CNOT6: variants seen among roughly 807,000 people sequenced by gnomAD.
CNOT6 encodes the protein CCR4-NOT transcription complex subunit 6.
Under a neutral mutation model 61.2 loss-of-function variants are expected in CNOT6, and 12 were observed. The ratio of observed to expected loss-of-function variants is 0.20; its 90% CI spans 0.13 to 0.32. CNOT6 has a LOEUF of 0.32. Among genes scored for constraint, CNOT6 ranks in the 10% least tolerant of loss-of-function variants. The probability of loss-of-function intolerance (pLI) is 1.00; values close to 1 mark genes in which losing one functional copy is unlikely to be tolerated. For synonymous variants in CNOT6, 225 were observed against 240.6 expected, an observed-to-expected ratio of 0.94 and a Z score of 0.60; for missense variants, 405 against 663.9, an observed-to-expected ratio of 0.61 and a Z score of 4.28.
rs368230568 is a variant in CNOT6, at chr5:180,529,375, G to A, written c.99G>A (p.Glu33=). Residue 33 remains glutamate, a synonymous_variant, in exon 2 of 12, where the codon GAG becomes GAA. Transcript: ENST00000261951. The part of the protein sequence containing the change: ...AANGKKSHWA[E]LEISGKVRSL... ...ATGGAAAGAAATCCCACTGGGCAGA[G>A]CTTGAAATAAGTGGTAAGACATGGA... 5 of 1,603,356 alleles carry A rather than the reference G, an allele frequency of 3.1e-6. No individual in the cohort carries two copies. The highest frequency in any genetic ancestry group is 4.3e-6 in the Non-Finnish European group (5 of 1,170,742).
chr5:180,496,827 T>G (rs1756633841), intron 1 of CNOT6, among the ~76,000 whole-genome samples: 2 of 152,208 alleles, frequency 1.3e-5, no homozygotes, highest in South Asian at 4.1e-4. Context: ...TTGATAGTGG[T>G]GATGCAGCCC....
rs1329809018 is a variant in CNOT6 at position 180,577,861 on chromosome 5, C to A, written c.*3661C>A. Reference sequence around the variant, plus strand: ...TTACTGTTCTGTTCAGTGGAACCTTCTTGGTCAAATTGTAATTAGCTAGCA... The same window carrying A: ...TTACTGTTCTGTTCAGTGGAACCTTATTGGTCAAATTGTAATTAGCTAGCA... On this transcript the variant is annotated 3_prime_UTR_variant, in exon 12 of 12. Transcript: ENST00000261951. 1 of 152,606 alleles carries A rather than the reference C, an allele frequency of 6.6e-6. No homozygotes were observed. Among genetic ancestry groups the A allele is most frequent in the Non-Finnish European group, 1.5e-5 (1 of 68,032 alleles). 9.5% of individuals were successfully genotyped at this position (152,606 alleles called of 1,614,324 possible).
At chr5:180,525,768 A>G (rs1758071520) in intron 1 of CNOT6, among the ~76,000 whole-genome samples, 1 of 152,172 alleles carries the variant, frequency 6.6e-6, no homozygotes, top group Non-Finnish European at 1.5e-5. Context: ...CTAAAGAGTT[A>G]GGAGGAAAAC....
chr5:180,509,394 G>A (rs1358347058), intron 1 of CNOT6, among the ~76,000 whole-genome samples: 2 of 151,824 alleles, frequency 1.3e-5, no homozygotes, highest in African/African-American at 4.8e-5. Flanking sequence ...TTCCCAAAGT[G>A]CTGGGATTAC....
intron 4 of CNOT6, 127 bp from the exon 5 acceptor site, chr5:180,564,362 C>A: frequency 1.5e-6 from 1 of 661,098 alleles, no homozygotes; most frequent in Non-Finnish European, 2.6e-6. Flanking sequence ...ACAATATTTT[C>A]TATAGTCTGA....
chr5:180,574,283 G>A lies in CNOT6; in HGVS notation c.*83G>A. On this transcript the variant is annotated 3_prime_UTR_variant, in exon 12 of 12. Coordinates refer to ENST00000261951, the MANE Select transcript of CNOT6 (RefSeq NM_001370472.1). ...TAGGGGAGTGAGGTATGGCCACTGA[G>A]GATTTTTGCTTGCTTAAGAATGATT... 1.7e-6 allele frequency: 2 copies of A among 1,146,030 alleles called. No homozygotes were observed. Among genetic ancestry groups the A allele is most frequent in the Non-Finnish European group, 2.6e-6 (2 of 765,016 alleles). 71.0% of individuals were successfully genotyped at this position (1,146,030 alleles called of 1,614,324 possible).
chr5:180,543,005 TTCTTTTACTTC>T (rs1286252153), intron 2 of CNOT6, among the ~76,000 whole-genome samples: 2 of 152,194 alleles, frequency 1.3e-5, no homozygotes, highest in Non-Finnish European at 2.9e-5. Flanking sequence ...GTACATTATG[TTCTTTTACTTC>T]TGTTACTAAT....
intron 8 of CNOT6, among the ~76,000 whole-genome samples, chr5:180,567,457 G>A (rs1038984286): frequency 6.6e-6 from 1 of 152,110 alleles, no homozygotes; most frequent in Non-Finnish European, 1.5e-5. Context: ...TTCTTCAGGT[G>A]TTTACTAGGG....
rs1760998776 is a variant in CNOT6 at position 180,576,281 on chromosome 5, T to G, written c.*2081T>G. On this transcript the variant is annotated 3_prime_UTR_variant, in exon 12 of 12. Coordinates refer to ENST00000261951, the MANE Select transcript of CNOT6 (RefSeq NM_001370472.1). ...GGACTAATGAGACTGAGGAAGCAGC[T>G]TTTCCTACGATCTGCATTATGTAAT... 6.6e-6 allele frequency: 1 copy of G among 152,646 alleles called. No individual in the cohort carries two copies. Among genetic ancestry groups the G allele is most frequent in the Admixed American group, 6.5e-5 (1 of 15,270 alleles). The allele number at this position is 152,646 out of a possible 1,614,324, so 9.5% of individuals were successfully genotyped here. A position where few individuals can be genotyped will look rare whatever the true frequency, so the allele number is the denominator to read the frequency against.
chr5:180,541,612 C>G (rs1037073809), intron 2 of CNOT6, among the ~76,000 whole-genome samples: 2 of 151,056 alleles, frequency 1.3e-5, no homozygotes, highest in African/African-American at 4.9e-5. Context: ...GCCATCACGC[C>G]TGGCTAATTT....
intron 2 of CNOT6, among the ~76,000 whole-genome samples, chr5:180,547,317 C>T (rs897168853): frequency 2.0e-5 from 3 of 151,928 alleles, no homozygotes; most frequent in Non-Finnish European, 4.4e-5. Flanking sequence ...GTCAGGTGCT[C>T]GAGACCAGCC....
chr5:180,524,758 T>G (rs763052459), intron 1 of CNOT6, among the ~76,000 whole-genome samples: 1 of 152,220 alleles, frequency 6.6e-6, no homozygotes, highest in Non-Finnish European at 1.5e-5. Context: ...ACTTCTGAAC[T>G]TTCATCAATA....
At chr5:180,521,653 G>GATCC (rs1216597135) in intron 1 of CNOT6, among the ~76,000 whole-genome samples, 1 of 152,126 alleles carries the variant, frequency 6.6e-6, no homozygotes, top group Non-Finnish European at 1.5e-5. Context: ...GGACATAAAT[G>GATCC]ATCCCATCAC....
chr5:180,526,704 T>G lies in CNOT6; in HGVS notation c.-2-2571T>G, dbSNP rs563978106. On this transcript the variant is annotated intron_variant, in intron 1 of 11. Transcript: ENST00000261951. ...CCAGCTATGTTTAGCTGCATGGGTATACAGAGTAGGTAGACAATTGGTTAA... is the reference window on the plus strand; with the variant it reads ...CCAGCTATGTTTAGCTGCATGGGTAGACAGAGTAGGTAGACAATTGGTTAA... Among the ~76,000 whole-genome samples the G allele has an allele frequency of 2.9e-4, 44 of 152,286 alleles. No individual in the cohort carries two copies. The South Asian group carries it at 2.9e-3, about 10-fold the overall frequency.
intron 2 of CNOT6, among the ~76,000 whole-genome samples, chr5:180,531,473 T>C (rs1172260646): frequency 1.4e-5 from 2 of 143,068 alleles, no homozygotes; most frequent in Non-Finnish European, 3.0e-5. Flanking sequence ...GGATGGCGGC[T>C]GGGAAGAGAC....
chr5:180,515,548 C>T (rs149438430), intron 1 of CNOT6, among the ~76,000 whole-genome samples: 1 of 152,164 alleles, frequency 6.6e-6, no homozygotes, highest in African/African-American at 2.4e-5. Context: ...GTGGCATGAG[C>T]AGGTGCATAT....
At chr5:180,564,848 T>A in intron 6 of CNOT6, 105 bp downstream of exon 6, 1 of 875,612 alleles carries the variant, frequency 1.1e-6, no homozygotes, top group Non-Finnish European at 1.8e-6. Flanking sequence ...ACAAAATGTT[T>A]AAGGTTGGTT....
intron 1 of CNOT6, among the ~76,000 whole-genome samples, chr5:180,509,346 C>G (rs1581474215): frequency 6.6e-6 from 1 of 152,014 alleles, no homozygotes; most frequent in African/African-American, 2.4e-5. Context: ...TGTTACTGGT[C>G]TTGAACTCCT....
chr5:180,543,997 G>A (rs1358870155), intron 2 of CNOT6, among the ~76,000 whole-genome samples: 5 of 152,058 alleles, frequency 3.3e-5, no homozygotes, highest in Non-Finnish European at 5.9e-5. Flanking sequence ...ATTTTTAGTA[G>A]AGATGGGGTT....
Sources: gnomAD v4.1 joint callset for allele counts (sites outside exome capture counted in the v4.1 genomes callset) on GRCh38, gnomAD v4.1.1 for gene constraint, MANE v1.5 for transcripts, NCBI Gene and HGNC (gene_info 2026-07-23, HGNC 2026-07-21) for gene names.